Variants in MRPL3 observed in about 807,000 individuals in gnomAD.
MRPL3 encodes large ribosomal subunit protein uL3m.
Under a neutral mutation model 44.3 loss-of-function variants are expected in MRPL3, and 43 were observed. The observed-to-expected ratio is 0.97, with a 90% CI of 0.76 to 1.25. The LOEUF (loss-of-function observed/expected upper bound fraction) is 1.25, where lower values mean the gene tolerates loss of function less well. Among genes scored for constraint, MRPL3 ranks in the 50% most tolerant of loss-of-function variants. The pLI, the probability that MRPL3 is intolerant of heterozygous loss-of-function variation, is 0.00. For synonymous variants in MRPL3, 171 were observed against 152.3 expected, an observed-to-expected ratio of 1.12 and a Z score of -0.91; for missense variants, 406 against 427.6, an observed-to-expected ratio of 0.95 and a Z score of 0.45.
intron 7 of MRPL3, 83 bp from the exon 8 acceptor site, chr3:131,469,856 T>C: frequency 1.2e-6 from 1 of 814,332 alleles, no homozygotes; most frequent in Non-Finnish European, 1.9e-6. Flanking sequence ...AAACTAAAAA[T>C]ATAAATTATT....
At chr3:131,480,203 T>C (rs1933950079) in intron 6 of MRPL3, among the ~76,000 whole-genome samples, 1 of 152,230 alleles carries the variant, frequency 6.6e-6, no homozygotes, top group African/African-American at 2.4e-5. Flanking sequence ...GTTTCCTACT[T>C]ACTTGCATTT....
intron 6 of MRPL3, among the ~76,000 whole-genome samples, chr3:131,479,839 C>T (rs573835791): frequency 2.0e-5 from 3 of 151,884 alleles, no homozygotes; most frequent in Middle Eastern, 3.2e-3. Flanking sequence ...AGCGAGACTC[C>T]GTCTCAAAAA....
rs750749567 is a variant in MRPL3 at position 131,469,750 on chromosome 3, T to C, written c.762A>G (p.Gly254=). The C allele has an allele frequency of 3.7e-6, 6 of 1,612,132 alleles. No individual in the cohort carries two copies. The highest frequency in any genetic ancestry group is 2.7e-5 in the African/African-American group (2 of 74,968). The stretch of plus-strand genomic sequence containing the variant: ...TTCCCATTTTTCCAGGCATTTTAGT[T>C]CCAGGCCAGACTCTGCCAATATCCT... ...ATGDIGRVWP[G]TKMPGKMGNI... is the part of the protein sequence containing the mutation. Residue 254 remains glycine, a synonymous_variant, in exon 8 of 10, where the codon GGA becomes GGG. Transcript: ENST00000264995.
chr3:131,464,300 G>C (rs973205760), intron 9 of MRPL3, among the ~76,000 whole-genome samples: 16 of 152,098 alleles, frequency 1.1e-4, no homozygotes, highest in African/African-American at 3.6e-4. Context: ...TTATACCTGA[G>C]AAATATTTTA....
At chr3:131,469,320 AAC>A (rs1285992557) in intron 8 of MRPL3, among the ~76,000 whole-genome samples, 1 of 151,876 alleles carries the variant, frequency 6.6e-6, no homozygotes. Flanking sequence ...ATGGCACAGC[AAC>A]ATACACACGT....
At chr3:131,496,301 T>C (rs1383370513) in intron 4 of MRPL3, among the ~76,000 whole-genome samples, 1 of 152,228 alleles carries the variant, frequency 6.6e-6, no homozygotes, top group Non-Finnish European at 1.5e-5. Context: ...CTCATTGTAC[T>C]CTATAATTAC....
intron 9 of MRPL3, among the ~76,000 whole-genome samples, chr3:131,467,263 C>T (rs767467801): frequency 9.9e-4 from 151 of 152,062 alleles, no homozygotes; most frequent in Admixed American, 2.2e-3. Flanking sequence ...CATACACACA[C>T]ACACACACAC....
rs769091287 is a variant in MRPL3, at chr3:131,502,841, C to G, written c.-20G>C. ...CGGCATGGATTAGCCCGGGAAGACT[C>G]GACTCACGACTTCCGGGCGCCCTGC... On this transcript the variant is annotated 5_prime_UTR_variant, in exon 1 of 10. Transcript: ENST00000264995. 4.5e-5 allele frequency: 72 copies of G among 1,607,406 alleles called. No homozygotes were observed. The highest frequency in any genetic ancestry group is 5.7e-5 in the Non-Finnish European group (67 of 1,177,112).
chr3:131,482,860 C>T (rs547244351), intron 6 of MRPL3, among the ~76,000 whole-genome samples: 4 of 150,158 alleles, frequency 2.7e-5, no homozygotes, highest in African/African-American at 7.3e-5. Flanking sequence ...TCTCTCCATG[C>T]TATTACGAAT....
In MRPL3 at chr3:131,498,264, T is replaced by A; in HGVS notation, c.383A>T (p.His128Leu). 2 of 1,604,752 alleles carry A rather than the reference T, an allele frequency of 1.2e-6. No individual in the cohort carries two copies. The highest frequency in any genetic ancestry group is 1.7e-6 in the Non-Finnish European group (2 of 1,171,828). Residue 128 changes from histidine to leucine, a missense_variant, in exon 4 of 10, where the codon CAT (histidine) becomes CTT (leucine). His to Leu is a moderately conservative substitution (Grantham distance 99, BLOSUM62 -3). Coordinates refer to ENST00000264995, the MANE Select transcript of MRPL3 (RefSeq NM_007208.4). Reference protein sequence around the residue: ...VVTLLQVQDCHVLKYTSKENC... With the variant: ...VVTLLQVQDCLVLKYTSKENC... ...TTCCTTTGACGTATATTTTAAGACA[T>A]GACAGTCTTGTACCTAAAAAAACAA...
chr3:131,479,891 C>T (rs1300731606), intron 6 of MRPL3, among the ~76,000 whole-genome samples: 2 of 152,120 alleles, frequency 1.3e-5, no homozygotes, highest in East Asian at 1.9e-4. Context: ...TAAAGTATTA[C>T]TGAATATAAA....
intron 6 of MRPL3, among the ~76,000 whole-genome samples, chr3:131,474,883 T>C (rs1933822246): frequency 6.6e-6 from 1 of 151,814 alleles, no homozygotes; most frequent in Non-Finnish European, 1.5e-5. Flanking sequence ...GCAATCCTCC[T>C]GTCTCAACCT....
At chr3:131,500,281 T>A in intron 3 of MRPL3, 149 bp downstream of exon 3, 2 of 600,948 alleles carry the variant, frequency 3.3e-6, no homozygotes, top group East Asian at 2.8e-5. Flanking sequence ...GAAACCACCA[T>A]AAGTTCTTTA....
At chr3:131,493,303 C>T (rs577625930) in intron 4 of MRPL3, among the ~76,000 whole-genome samples, 8 of 152,318 alleles carry the variant, frequency 5.3e-5, no homozygotes, top group African/African-American at 1.9e-4. Flanking sequence ...GTACATGTCT[C>T]TAGTACTAAA....
chr3:131,481,971 G>A (rs1933997514), intron 6 of MRPL3, among the ~76,000 whole-genome samples: 1 of 152,178 alleles, frequency 6.6e-6, no homozygotes, highest in Admixed American at 6.5e-5. Context: ...TTAGAACAAT[G>A]AGCTTGTGGG....
At position 131,478,965 on chromosome 3, in the gene MRPL3, T is replaced by G. The variant is rs143425393; in HGVS notation, c.630-7686A>C. 1.8e-3 allele frequency: 654 copies of G among 354,922 alleles called. 4 individuals are homozygous for G. The highest frequency in any genetic ancestry group is 0.013 in the African/African-American group (606 of 46,300). 22.0% of individuals were successfully genotyped at this position (354,922 alleles called of 1,614,324 possible). ...ACTCTAGCCTCCTAAAGTGCTGGGA[T>G]TACAGGTGTGAGCCACTATGCCCAG... On this transcript the variant is annotated intron_variant, in intron 6 of 9. Coordinates refer to ENST00000264995, the MANE Select transcript of MRPL3 (RefSeq NM_007208.4).
intron 7 of MRPL3, among the ~76,000 whole-genome samples, chr3:131,470,473 C>G (rs1181090130): frequency 6.6e-6 from 1 of 152,092 alleles, no homozygotes; most frequent in African/African-American, 2.4e-5. Context: ...GTGGAAGTAC[C>G]TCATCATGGC....
intron 6 of MRPL3, among the ~76,000 whole-genome samples, chr3:131,472,129 A>C (rs1460907395): frequency 6.6e-6 from 1 of 152,162 alleles, no homozygotes; most frequent in Non-Finnish European, 1.5e-5. Context: ...TAAGCTATTA[A>C]GTTTTAGGAT....
chr3:131,469,685 G>A lies in MRPL3; in HGVS notation c.816+11C>T. ...TAGCTGTTCCTAAAAAGAACCACTT[G>A]TAACACTTACTTTCAGTCCATATTC... is the stretch of plus-strand genomic sequence containing the variant. On this transcript the variant is annotated intron_variant, in intron 8 of 9. Coordinates refer to ENST00000264995, the MANE Select transcript of MRPL3 (RefSeq NM_007208.4). 6.3e-7 allele frequency: 1 copy of A among 1,595,532 alleles called. No individual in the cohort carries two copies. The highest frequency in any genetic ancestry group is 1.3e-5 in the African/African-American group (1 of 74,258).
Sources: allele counts gnomAD v4.1 joint callset (sites outside exome capture counted in the v4.1 genomes callset), GRCh38; gene constraint gnomAD v4.1.1; transcripts MANE v1.5; gene names NCBI Gene and HGNC (gene_info 2026-07-23, HGNC 2026-07-21).